Variants in STEAP3 observed in about 807,000 individuals in gnomAD.
STEAP3 encodes STEAP3 metalloreductase.
STEAP3 carries 35 observed loss-of-function variants against 34.9 expected under a neutral mutation model. That is an observed-to-expected ratio of 1.00 (90% CI 0.76 to 1.33). The LOEUF is 1.33. Among genes scored for constraint, STEAP3 ranks in the 40% most tolerant of loss-of-function variants. The probability of loss-of-function intolerance (pLI) is 0.00; values close to 1 mark genes in which losing one functional copy is unlikely to be tolerated. For synonymous variants in STEAP3, 281 were observed against 301.6 expected (o/e 0.93, Z 0.71); for missense variants, 652 against 667.6 (o/e 0.98, Z 0.26).
intron 1 of STEAP3, among the ~76,000 whole-genome samples, chr2:119,224,136 G>T (rs900652750): frequency 1.3e-5 from 2 of 152,232 alleles, no homozygotes; most frequent in African/African-American, 4.8e-5. Context: ...AGGTTAGGCA[G>T]GGCCGGCGGC....
chr2:119,234,860 T>G (rs1406306877), intron 2 of STEAP3, among the ~76,000 whole-genome samples: 4 of 152,218 alleles, frequency 2.6e-5, no homozygotes, highest in Non-Finnish European at 5.9e-5. Flanking sequence ...TGGTGCTGAC[T>G]GTTGGGCTTT....
chr2:119,244,742 C>T (rs780663565), intron 2 of STEAP3: 1 of 152,106 alleles, frequency 6.6e-6, no homozygotes, highest in Non-Finnish European at 1.5e-5. Context: ...AGACCGATGG[C>T]CCGAGTTCAG....
At chr2:119,255,266 C>A (rs1203721540) in intron 5 of STEAP3, among the ~76,000 whole-genome samples, 2 of 152,070 alleles carry the variant, frequency 1.3e-5, no homozygotes, top group Admixed American at 1.3e-4. Context: ...CCTAGCCCAC[C>A]ACCCTCCACC....
At chr2:119,229,661 G>A (rs708670) in intron 1 of STEAP3, among the ~76,000 whole-genome samples, 53,873 of 152,040 alleles carry the variant, frequency 0.35, 9,876 homozygotes, top group Non-Finnish European at 0.42. Flanking sequence ...ATTCAAAGCC[G>A]GGAGAGATTG....
At chr2:119,227,843 T>TA (rs1679090156) in intron 1 of STEAP3, among the ~76,000 whole-genome samples, 4 of 150,100 alleles carry the variant, frequency 2.7e-5, no homozygotes, top group East Asian at 2.0e-4. Context: ...TTTATTTATT[T>TA]TTTGGAGACA....
chr2:119,232,549 C>T (rs776958481), intron 2 of STEAP3, among the ~76,000 whole-genome samples: 7 of 152,126 alleles, frequency 4.6e-5, no homozygotes, highest in East Asian at 1.9e-4. Flanking sequence ...AGGGGAGGCC[C>T]GGAGTTTCTA....
intron 1 of STEAP3, among the ~76,000 whole-genome samples, chr2:119,228,442 T>C (rs895606650): frequency 6.6e-6 from 1 of 152,194 alleles, no homozygotes; most frequent in Admixed American, 6.5e-5. Context: ...GACCCACCAC[T>C]GTCCATCAAA....
chr2:119,233,075 G>A (rs1412929298), intron 2 of STEAP3, among the ~76,000 whole-genome samples: 3 of 152,352 alleles, frequency 2.0e-5, no homozygotes, highest in African/African-American at 7.2e-5. Flanking sequence ...AAGGGCCAAG[G>A]AGACAGCACA....
intron 2 of STEAP3, among the ~76,000 whole-genome samples, chr2:119,238,565 T>C (rs1014246527): frequency 6.6e-6 from 1 of 152,224 alleles, no homozygotes; most frequent in African/African-American, 2.4e-5. Context: ...TCCTGAACTT[T>C]TCTCCATTCT....
intron 4 of STEAP3, among the ~76,000 whole-genome samples, chr2:119,251,497 C>G (rs146573935): frequency 6.6e-6 from 1 of 152,166 alleles, no homozygotes; most frequent in Non-Finnish European, 1.5e-5. Flanking sequence ...ACTCAAAGAT[C>G]AAGATCAAAG....
chr2:119,240,413 C>T (rs537130273), intron 2 of STEAP3, among the ~76,000 whole-genome samples: 45 of 152,308 alleles, frequency 3.0e-4, no homozygotes, highest in African/African-American at 1.0e-3. Flanking sequence ...TGCCAGTGGC[C>T]CCAGCACCTC....
intron 5 of STEAP3, chr2:119,257,446 G>A (rs559614156): frequency 3.5e-5 from 53 of 1,501,370 alleles, no homozygotes; most frequent in Admixed American, 7.1e-5. Flanking sequence ...TGATAGGTGC[G>A]CATGCCGCAG....
chr2:119,258,335 C>G (rs1376887099), intron 5 of STEAP3, among the ~76,000 whole-genome samples: 1 of 152,048 alleles, frequency 6.6e-6, no homozygotes, highest in Non-Finnish European at 1.5e-5. Flanking sequence ...TGACCTGTAT[C>G]CTGAGCCGAC....
rs1471032973 is a variant in STEAP3, at chr2:119,254,724, T to C, written c.1091T>C (p.Val364Ala). Residue 364 changes from valine to alanine, a missense_variant, in exon 5 of 6, where the codon GTC (valine) becomes GCC (alanine). Val to Ala is a moderately conservative substitution (Grantham distance 64). Coordinates refer to ENST00000393110, the MANE Select transcript of STEAP3 (RefSeq NM_182915.3). Reference protein sequence around the residue: ...NKSHLWVEEEVWRMEIYLSLG... With the variant: ...NKSHLWVEEEAWRMEIYLSLG... ...AGCCACCTCTGGGTGGAGGAGGAGGTCTGGCGGATGGAGATCTACCTCTCC... is the reference window on the plus strand; with the variant it reads ...AGCCACCTCTGGGTGGAGGAGGAGGCCTGGCGGATGGAGATCTACCTCTCC... 6.2e-7 allele frequency: 1 copy of C among 1,613,896 alleles called. No individual in the cohort carries two copies. Among genetic ancestry groups the C allele is most frequent in the Non-Finnish European group, 8.5e-7 (1 of 1,179,952 alleles).
At chr2:119,244,241 A>G (rs1677338346) in intron 2 of STEAP3, among the ~76,000 whole-genome samples, 1 of 149,048 alleles carries the variant, frequency 6.7e-6, no homozygotes, top group Admixed American at 6.7e-5. Flanking sequence ...TATTATTATT[A>G]TTATTATTAT....
intron 2 of STEAP3, among the ~76,000 whole-genome samples, chr2:119,243,059 C>A (rs1677297793): frequency 6.6e-6 from 1 of 152,226 alleles, no homozygotes; most frequent in Non-Finnish European, 1.5e-5. Flanking sequence ...CGGGTGCCTG[C>A]ATGTCTGTGC....
At chr2:119,238,488 T>G (rs1037549564) in intron 2 of STEAP3, among the ~76,000 whole-genome samples, 1 of 152,214 alleles carries the variant, frequency 6.6e-6, no homozygotes, top group Non-Finnish European at 1.5e-5. Flanking sequence ...TTGTTTGTCT[T>G]TTTAATACCG....
At chr2:119,244,219 TA>T (rs1208781193) in intron 2 of STEAP3, among the ~76,000 whole-genome samples, 12 of 212 alleles carry the variant, frequency 0.057, no homozygotes, top group East Asian at 0.25. Context: ...TTTTTACTTT[TA>T]TTATTATTAT....
At chr2:119,227,184 C>T (rs1679066774) in intron 1 of STEAP3, among the ~76,000 whole-genome samples, 1 of 150,956 alleles carries the variant, frequency 6.6e-6, no homozygotes, top group East Asian at 1.9e-4. Flanking sequence ...GGACCTATAG[C>T]TCATGTGAGT....
Sources: allele counts gnomAD v4.1 joint callset (sites outside exome capture counted in the v4.1 genomes callset), GRCh38; gene constraint gnomAD v4.1.1; transcripts MANE v1.5; gene names NCBI Gene and HGNC (gene_info 2026-07-23, HGNC 2026-07-21).